SLC6A11: variants seen among roughly 807,000 people sequenced by gnomAD.
SLC6A11 encodes the protein solute carrier family 6 member 11, also known as sodium- and chloride-dependent GABA transporter 3.
In SLC6A11, 25 loss-of-function variants were observed where a neutral mutation model predicts 74.8. The ratio of observed to expected loss-of-function variants is 0.33; its 90% CI spans 0.24 to 0.47. SLC6A11 has a LOEUF of 0.47. SLC6A11 is among the 20% of genes least tolerant of loss of function. The pLI, the probability that SLC6A11 is intolerant of heterozygous loss-of-function variation, is 1.00. For synonymous variants in SLC6A11, 330 were observed against 330.2 expected, an observed-to-expected ratio of 1.00 and a Z score of 0.01; for missense variants, 574 against 837.0, an observed-to-expected ratio of 0.69 and a Z score of 3.88.
chr3:10,924,704 A>G (rs577414006), intron 8 of SLC6A11, among the ~76,000 whole-genome samples: 6 of 152,386 alleles, frequency 3.9e-5, no homozygotes, highest in Middle Eastern at 3.4e-3. Flanking sequence ...ACTTCACAAA[A>G]GAAGACATAT....
intron 5 of SLC6A11, among the ~76,000 whole-genome samples, chr3:10,874,701 G>T (rs928964811): frequency 3.9e-5 from 6 of 152,036 alleles, no homozygotes; most frequent in Non-Finnish European, 5.9e-5. Context: ...CCCCACAACT[G>T]CCATCCCACT....
At chr3:10,830,058 AG>A (rs931662651) in intron 4 of SLC6A11, among the ~76,000 whole-genome samples, 4 of 152,078 alleles carry the variant, frequency 2.6e-5, no homozygotes, top group African/African-American at 7.2e-5. Flanking sequence ...GCTGGGAAGT[AG>A]GAAAAAAAAA....
chr3:10,857,149 G>T (rs550167108), intron 5 of SLC6A11, among the ~76,000 whole-genome samples: 1 of 152,148 alleles, frequency 6.6e-6, no homozygotes, highest in Non-Finnish European at 1.5e-5. Context: ...GTCTGTGTTG[G>T]TACCGAGTTT....
chr3:10,831,084 C>T (rs1439029769), intron 4 of SLC6A11, among the ~76,000 whole-genome samples: 1 of 152,202 alleles, frequency 6.6e-6, no homozygotes, highest in Non-Finnish European at 1.5e-5. Context: ...TCCTCCACAG[C>T]CTCCCACTTG....
At chr3:10,933,294 C>T in intron 11 of SLC6A11, 41 bp downstream of exon 11, 3 of 1,388,314 alleles carry the variant, frequency 2.2e-6, no homozygotes, top group Non-Finnish European at 3.1e-6. Flanking sequence ...AGCTGCCCAC[C>T]AGGTACCCAG....
At chr3:10,931,858 C>A (rs1195002900) in intron 10 of SLC6A11, among the ~76,000 whole-genome samples, 1 of 152,160 alleles carries the variant, frequency 6.6e-6, no homozygotes, top group Non-Finnish European at 1.5e-5. Context: ...ATGAACGAGT[C>A]CCATGGTGTG....
At chr3:10,920,384 G>A (rs537015573) in intron 8 of SLC6A11, among the ~76,000 whole-genome samples, 28 of 152,286 alleles carry the variant, frequency 1.8e-4, no homozygotes, top group Non-Finnish European at 2.6e-4. Flanking sequence ...AGCTATAAGC[G>A]TGGTGATCAA....
At chr3:10,899,231 TCCTTCTAG>T (rs531051471) in intron 6 of SLC6A11, among the ~76,000 whole-genome samples, 73 of 152,260 alleles carry the variant, frequency 4.8e-4, no homozygotes, top group African/African-American at 1.6e-3. Flanking sequence ...TGTGCTTGGT[TCCTTCTAG>T]CCACATGAGC....
chr3:10,871,779 T>TA (rs140565222), intron 5 of SLC6A11, among the ~76,000 whole-genome samples: 16,789 of 152,192 alleles, frequency 0.11, 1,298 homozygotes, highest in Admixed American at 0.24. Flanking sequence ...TTGCATATGA[T>TA]AGCAAGAGAT....
At chr3:10,909,402 T>C (rs1339128176) in intron 6 of SLC6A11, among the ~76,000 whole-genome samples, 1 of 152,060 alleles carries the variant, frequency 6.6e-6, no homozygotes, top group Non-Finnish European at 1.5e-5. Flanking sequence ...GTGAAAATCA[T>C]TGGTTTGGGG....
chr3:10,862,950 G>A (rs1446280578), intron 5 of SLC6A11, among the ~76,000 whole-genome samples: 1 of 152,252 alleles, frequency 6.6e-6, no homozygotes, highest in African/African-American at 2.4e-5. Flanking sequence ...ATTCAACTGC[G>A]AGTATTTTAC....
intron 4 of SLC6A11, among the ~76,000 whole-genome samples, chr3:10,832,300 G>GGGA (rs1422787951): frequency 6.6e-6 from 1 of 152,070 alleles, no homozygotes; most frequent in Non-Finnish European, 1.5e-5. Context: ...CTCCCCACCA[G>GGGA]GGAGGCACTG....
chr3:10,934,271 G>A, intron 12 of SLC6A11, 105 bp downstream of exon 12: 1 of 750,660 alleles, frequency 1.3e-6, no homozygotes, highest in Non-Finnish European at 2.3e-6. Flanking sequence ...CTGGACCTGA[G>A]GAGGCTGATG....
chr3:10,913,650 T>C (rs373839340), intron 7 of SLC6A11, among the ~76,000 whole-genome samples: 1 of 152,192 alleles, frequency 6.6e-6, no homozygotes, highest in African/African-American at 2.4e-5. Context: ...AACAAGTCTA[T>C]GGGAAAACAC....
At chr3:10,850,044 G>A (rs1262981492) in intron 5 of SLC6A11, among the ~76,000 whole-genome samples, 3 of 152,110 alleles carry the variant, frequency 2.0e-5, no homozygotes, top group Non-Finnish European at 4.4e-5. Flanking sequence ...CATTGCAGTA[G>A]AGACTATGTG....
chr3:10,922,127 T>C (rs1396060902), intron 8 of SLC6A11, among the ~76,000 whole-genome samples: 1 of 152,166 alleles, frequency 6.6e-6, no homozygotes, highest in Non-Finnish European at 1.5e-5. Context: ...CCACAATGAC[T>C]TCATTGATAT....
rs138451659 is a variant in SLC6A11 at position 10,920,147 on chromosome 3, A to C, written c.1120+1694A>C. On this transcript the variant is annotated intron_variant, in intron 8 of 13. Coordinates refer to ENST00000254488, the MANE Select transcript of SLC6A11 (RefSeq NM_014229.3). The stretch of plus-strand genomic sequence containing the variant: ...GTGTTGCATGAGACAGAGTATCCAC[A>C]GCACTGCTGTTGCTCATTTTATCAT... 3.5e-3 allele frequency among the ~76,000 whole-genome samples: 537 copies of C among 152,334 alleles called. 3 individuals are homozygous for C. The highest frequency in any genetic ancestry group is 0.013 in the African/African-American group (522 of 41,586).
At chr3:10,885,891 C>G (rs1695036718) in intron 6 of SLC6A11, among the ~76,000 whole-genome samples, 1 of 152,228 alleles carries the variant, frequency 6.6e-6, no homozygotes, top group South Asian at 2.1e-4. Context: ...CCAGCCCAGC[C>G]TCACAGAGAG....
chr3:10,868,185 C>T (rs1694787704), intron 5 of SLC6A11, among the ~76,000 whole-genome samples: 2 of 152,278 alleles, frequency 1.3e-5, no homozygotes, highest in Non-Finnish European at 1.5e-5. Flanking sequence ...GCCCCAGCTG[C>T]CCAGCACATT....
Sources: gnomAD v4.1 joint callset for allele counts (sites outside exome capture counted in the v4.1 genomes callset) on GRCh38, gnomAD v4.1.1 for gene constraint, MANE v1.5 for transcripts, NCBI Gene and HGNC (gene_info 2026-07-23, HGNC 2026-07-21) for gene names.